SH3BGR: variants seen among roughly 807,000 people sequenced by gnomAD.
SH3BGR encodes the protein SH3 domain binding glutamate rich protein.
A neutral mutation model predicts 24.5 loss-of-function variants in SH3BGR; 29 were observed. The observed-to-expected ratio is 1.18, with a 90% CI of 0.88 to 1.61. The LOEUF is 1.61. Ranked by LOEUF, SH3BGR falls within the 40% of genes most tolerant of loss-of-function variation. SH3BGR has a pLI of 0.00. For synonymous variants in SH3BGR, 55 were observed against 65.7 expected (o/e 0.84, Z 0.79); for missense variants, 162 against 205.8 (o/e 0.79, Z 1.30).
chr21:39,511,037 G>T lies in SH3BGR; in HGVS notation c.436-643G>T, dbSNP rs529588099. On this transcript the variant is annotated intron_variant, in intron 5 of 6. Transcript: ENST00000333634. This position sits in a 1 kb window ranked among gnomAD's most constrained non-coding sequence, Gnocchi z 4.2. ...TTAGGTGGGATTATAAAACCTGTTA[G>T]GATTAACATATCATTCTAAAGCACC... 6.7e-6 allele frequency among the ~76,000 whole-genome samples: 1 copy of T among 150,106 alleles called. No homozygotes were observed. Among genetic ancestry groups the T allele is most frequent in the Non-Finnish European group, 1.5e-5 (1 of 67,698 alleles).
intron 6 of SH3BGR, among the ~76,000 whole-genome samples, chr21:39,513,486 G>C (rs2078732616): frequency 6.6e-6 from 1 of 152,282 alleles, no homozygotes; most frequent in South Asian, 2.1e-4. Flanking sequence ...CTTGGAGCTA[G>C]TGAGGGTGGC....
chr21:39,473,834 G>A (rs1024181579), intron 2 of SH3BGR, among the ~76,000 whole-genome samples: 1 of 150,698 alleles, frequency 6.6e-6, no homozygotes, highest in Admixed American at 6.6e-5. Flanking sequence ...GCAGTGAACC[G>A]AGATTGCACC....
chr21:39,505,104 C>T (rs9636960), intron 4 of SH3BGR, among the ~76,000 whole-genome samples: 22,635 of 152,204 alleles, frequency 0.15, 2,052 homozygotes, highest in South Asian at 0.21. Context: ...TGTGCCACCA[C>T]GCCCAGCCAT....
chr21:39,469,311 G>T (rs2077897483), intron 2 of SH3BGR, among the ~76,000 whole-genome samples: 1 of 149,346 alleles, frequency 6.7e-6, no homozygotes, highest in African/African-American at 2.5e-5. Flanking sequence ...TGTCTTCTCT[G>T]ATTTTTTTTT....
intron 2 of SH3BGR, among the ~76,000 whole-genome samples, chr21:39,463,611 C>T (rs780022798): frequency 2.0e-5 from 3 of 152,090 alleles, no homozygotes; most frequent in Non-Finnish European, 4.4e-5. Flanking sequence ...CTTTAGGTTA[C>T]TTTTTTAAAA....
At chr21:39,472,912 G>A (rs1448547010) in intron 2 of SH3BGR, among the ~76,000 whole-genome samples, 1 of 152,124 alleles carries the variant, frequency 6.6e-6, no homozygotes, top group Non-Finnish European at 1.5e-5. Context: ...GAAACTCTCA[G>A]CATGATCGGT....
intron 1 of SH3BGR, among the ~76,000 whole-genome samples, chr21:39,455,155 G>C (rs1253647210): frequency 6.6e-6 from 1 of 152,234 alleles, no homozygotes; most frequent in Non-Finnish European, 1.5e-5. Flanking sequence ...GGCAATAAGA[G>C]GTGCTGCTGT....
At chr21:39,500,358 C>T (rs764822425) in intron 4 of SH3BGR, among the ~76,000 whole-genome samples, 18 of 152,094 alleles carry the variant, frequency 1.2e-4, no homozygotes, top group Non-Finnish European at 2.5e-4. Flanking sequence ...ATAAAAAGGA[C>T]TCCTTGGGGA....
Position 39,511,800 on chromosome 21 carries a change from A to G in SH3BGR, c.*25A>G, listed in dbSNP as rs890898167. The G allele has an allele frequency of 1.2e-6, 2 of 1,606,926 alleles. No homozygotes were observed. Among genetic ancestry groups the G allele is most frequent in the Non-Finnish European group, 1.7e-6 (2 of 1,177,684 alleles). The stretch of plus-strand genomic sequence containing the variant: ...GGCCTTTTCATGCTTCATTTCTTCC[A>G]CTTCTCCAGGTAGCTACAGGATTCT... On this transcript the variant is annotated 3_prime_UTR_variant, in exon 6 of 7. Transcript: ENST00000333634. The surrounding 1 kb of genome is among the most constrained non-coding windows in gnomAD (Gnocchi z 4.2).
intron 4 of SH3BGR, among the ~76,000 whole-genome samples, chr21:39,503,068 C>T (rs1379589604): frequency 6.6e-6 from 1 of 151,390 alleles, no homozygotes; most frequent in African/African-American, 2.4e-5. Context: ...ATACTTTCTT[C>T]CTTAGGGGTG....
intron 4 of SH3BGR, among the ~76,000 whole-genome samples, chr21:39,501,664 CTTTAA>C (rs1301721413): frequency 6.6e-6 from 1 of 152,162 alleles, no homozygotes; most frequent in Non-Finnish European, 1.5e-5. Flanking sequence ...CTTTGATTTA[CTTTAA>C]TTCAATTAAA....
intron 1 of SH3BGR, among the ~76,000 whole-genome samples, chr21:39,460,120 G>A (rs1569151141): frequency 6.6e-6 from 1 of 152,320 alleles, no homozygotes; most frequent in East Asian, 1.9e-4. Flanking sequence ...GGTAGAGAAA[G>A]GACATTCAAC....
At chr21:39,469,995 A>G (rs757867894) in intron 2 of SH3BGR, among the ~76,000 whole-genome samples, 21 of 152,052 alleles carry the variant, frequency 1.4e-4, no homozygotes, top group Non-Finnish European at 2.8e-4. Flanking sequence ...ATGTTAAGAT[A>G]TTTATACCTT....
intron 3 of SH3BGR, among the ~76,000 whole-genome samples, chr21:39,481,003 T>G (rs1243081011): frequency 2.6e-5 from 4 of 152,246 alleles, no homozygotes; most frequent in African/African-American, 9.6e-5. Flanking sequence ...TTCCTGATTC[T>G]CTCCTGCATT....
intron 3 of SH3BGR, chr21:39,488,816 C>T (rs2078252132): frequency 4.0e-6 from 1 of 248,346 alleles, no homozygotes; most frequent in Non-Finnish European, 8.3e-6. Context: ...TTCCCAGCAT[C>T]CCCCCAGCCC....
chr21:39,463,759 C>G (rs1366552091), intron 2 of SH3BGR, among the ~76,000 whole-genome samples: 1 of 152,162 alleles, frequency 6.6e-6, no homozygotes, highest in Non-Finnish European at 1.5e-5. Context: ...TCCACAAAGC[C>G]AAGAAGATTT....
intron 3 of SH3BGR, among the ~76,000 whole-genome samples, chr21:39,498,026 G>T (rs917748705): frequency 1.3e-5 from 2 of 152,118 alleles, no homozygotes; most frequent in Non-Finnish European, 2.9e-5. Flanking sequence ...ATAAATTATC[G>T]TATATTTAAT....
At chr21:39,445,935 T>C (rs2077444608), upstream of SH3BGR, 1 of 150,908 alleles carries the variant, frequency 6.6e-6, no homozygotes, top group South Asian at 2.1e-4. Flanking sequence ...GGGAAGTGAG[T>C]TTCTTGTGTA....
chr21:39,485,457 A>G (rs2078194492), intron 3 of SH3BGR, among the ~76,000 whole-genome samples: 1 of 152,194 alleles, frequency 6.6e-6, no homozygotes, highest in South Asian at 2.1e-4. Context: ...AGAGAAAGCA[A>G]AAAGGGCTTC....
Sources: allele counts gnomAD v4.1 joint callset (sites outside exome capture counted in the v4.1 genomes callset), GRCh38; gene constraint gnomAD v4.1.1; non-coding constraint Gnocchi (gnomAD v3.1); transcripts MANE v1.5; gene names NCBI Gene and HGNC (gene_info 2026-07-23, HGNC 2026-07-21).